Variants in CFAP61 observed in about 807,000 individuals in gnomAD.
CFAP61 encodes cilia- and flagella-associated protein 61.
In CFAP61, 107 loss-of-function variants were observed where a neutral mutation model predicts 135.6. The ratio of observed to expected loss-of-function variants is 0.79; its 90% CI spans 0.67 to 0.93. The LOEUF (loss-of-function observed/expected upper bound fraction) is 0.93. Ranked by LOEUF, CFAP61 falls within the 40% of genes least tolerant of loss-of-function variation. The probability of loss-of-function intolerance (pLI) is 0.00; values close to 1 mark genes in which losing one functional copy is unlikely to be tolerated. For synonymous variants in CFAP61, 575 were observed against 578.5 expected (o/e 0.99, Z 0.09); for missense variants, 1,507 against 1,556.2 (o/e 0.97, Z 0.53).
intron 8 of CFAP61, among the ~76,000 whole-genome samples, chr20:20,119,470 A>T (rs1215018401): frequency 6.6e-6 from 1 of 151,872 alleles, no homozygotes; most frequent in East Asian, 1.9e-4. Flanking sequence ...ATTTCCTTGT[A>T]TGTTTCTGAT....
chr20:20,152,206 C>T (rs1245746016), intron 9 of CFAP61, among the ~76,000 whole-genome samples: 1 of 151,872 alleles, frequency 6.6e-6, no homozygotes, highest in East Asian at 1.9e-4. Flanking sequence ...ACAAGAAATA[C>T]TAAAAAAAGT....
chr20:20,089,971 G>A (rs1341582416), intron 6 of CFAP61, among the ~76,000 whole-genome samples: 2 of 152,208 alleles, frequency 1.3e-5, no homozygotes, highest in Non-Finnish European at 2.9e-5. Context: ...TTACTGTAGT[G>A]CTTCTCAGAG....
intron 21 of CFAP61, among the ~76,000 whole-genome samples, chr20:20,271,601 G>T (rs1215551118): frequency 1.3e-5 from 2 of 152,088 alleles, no homozygotes; most frequent in Non-Finnish European, 2.9e-5. Context: ...GCCTTTTTAC[G>T]GGTGCTCTGC....
chr20:20,182,296 G>T (rs1275033047), intron 13 of CFAP61, among the ~76,000 whole-genome samples: 1 of 152,128 alleles, frequency 6.6e-6, no homozygotes, highest in Non-Finnish European at 1.5e-5. Context: ...TTTAATTAGT[G>T]TTTTTTGTTG....
At chr20:20,094,492 A>C (rs908749937) in intron 7 of CFAP61, 6 of 152,118 alleles carry the variant, frequency 3.9e-5, no homozygotes, top group African/African-American at 1.4e-4. Context: ...TACTAGTTTT[A>C]CTCTGAATCA....
At position 20,201,435 on chromosome 20, in the gene CFAP61, C is replaced by A. The variant is rs183471516; in HGVS notation, c.1932+1533C>A. ...TTTGAAGCAAACTCCAGATTCATAT[C>A]ATTTTATCTGAAGGTCACAGGCATA... On this transcript the variant is annotated intron_variant, in intron 17 of 26. Transcript: ENST00000245957. Among the ~76,000 whole-genome samples the A allele has an allele frequency of 9.2e-5, 14 of 152,338 alleles. No individual in the cohort carries two copies. The East Asian group carries it at 2.7e-3, about 29-fold the overall frequency.
intron 25 of CFAP61, among the ~76,000 whole-genome samples, chr20:20,324,615 T>G (rs1274458222): frequency 2.0e-5 from 3 of 152,332 alleles, no homozygotes; most frequent in Non-Finnish European, 4.4e-5. Flanking sequence ...TCTGGATCAG[T>G]GGGTATATAC....
At chr20:20,125,684 C>A (rs2050015172) in intron 8 of CFAP61, among the ~76,000 whole-genome samples, 1 of 151,506 alleles carries the variant, frequency 6.6e-6, no homozygotes, top group Non-Finnish European at 1.5e-5. Flanking sequence ...ATAGAATGTG[C>A]ATTCTGTAGT....
intron 21 of CFAP61, among the ~76,000 whole-genome samples, chr20:20,275,239 G>C (rs1030572378): frequency 2.0e-5 from 3 of 152,314 alleles, no homozygotes; most frequent in East Asian, 1.9e-4. Context: ...CAGATCAGCT[G>C]ACATCAGTCC....
chr20:20,251,570 A>C, intron 19 of CFAP61, 25 bp from the exon 20 acceptor site: 1 of 1,611,626 alleles, frequency 6.2e-7, no homozygotes, highest in Non-Finnish European at 8.5e-7. Context: ...CTCAGATGTC[A>C]CTTACGGAGC....
intron 20 of CFAP61, among the ~76,000 whole-genome samples, chr20:20,257,438 A>C (rs1050573140): frequency 6.6e-6 from 1 of 152,094 alleles, no homozygotes; most frequent in Non-Finnish European, 1.5e-5. Flanking sequence ...AACATGGTGA[A>C]ACCCCATCTC....
intron 26 of CFAP61, among the ~76,000 whole-genome samples, chr20:20,347,794 A>T (rs1472250240): frequency 6.6e-6 from 1 of 152,024 alleles, no homozygotes; most frequent in East Asian, 1.9e-4. Context: ...TTAGCCCGTC[A>T]TGGTGGCACA....
intron 25 of CFAP61, among the ~76,000 whole-genome samples, chr20:20,314,625 G>C (rs62200186): frequency 0.51 from 70,813 of 137,988 alleles, 19,046 homozygotes; most frequent in African/African-American, 0.68. Flanking sequence ...CATGCTGGTG[G>C]GCTGCACCCA....
chr20:20,358,577 A>T (rs1206689515), intron 26 of CFAP61, among the ~76,000 whole-genome samples: 1 of 152,190 alleles, frequency 6.6e-6, no homozygotes, highest in African/African-American at 2.4e-5. Context: ...TACTGGTGGC[A>T]CCCAAAGTTT....
chr20:20,183,461 C>T (rs1217781543), intron 13 of CFAP61, among the ~76,000 whole-genome samples: 2 of 152,206 alleles, frequency 1.3e-5, no homozygotes, highest in East Asian at 3.8e-4. Context: ...CTCACCCAGC[C>T]AGCCTACATT....
intron 20 of CFAP61, among the ~76,000 whole-genome samples, chr20:20,256,400 C>CCACACACACACACACACACA (rs35783358): frequency 6.7e-6 from 1 of 148,674 alleles, no homozygotes; most frequent in Non-Finnish European, 1.5e-5. Context: ...AAAATTTAGG[C>CCACACACACACACACACACA]CACACACACA....
chr20:20,278,875 C>G (rs1311812178), intron 22 of CFAP61, among the ~76,000 whole-genome samples: 1 of 152,166 alleles, frequency 6.6e-6, no homozygotes, highest in Non-Finnish European at 1.5e-5. Flanking sequence ...TTATTGAACA[C>G]CTGCTAGGTC....
At chr20:20,356,451 G>GTGAGGGGAGGTGGTCACAC (rs1295588785) in intron 26 of CFAP61, among the ~76,000 whole-genome samples, 1 of 151,172 alleles carries the variant, frequency 6.6e-6, no homozygotes, top group Non-Finnish European at 1.5e-5. Context: ...TGGTCACAGT[G>GTGAGGGGAGGTGGTCACAC]TGAGGGGAGG....
chr20:20,230,831 C>T (rs996696318), intron 18 of CFAP61, among the ~76,000 whole-genome samples: 5 of 152,146 alleles, frequency 3.3e-5, no homozygotes, highest in Admixed American at 6.5e-5. Context: ...GCTAGGATTA[C>T]GGGCAGGGGC....
Sources: allele counts gnomAD v4.1 joint callset (sites outside exome capture counted in the v4.1 genomes callset), GRCh38; gene constraint gnomAD v4.1.1; transcripts MANE v1.5; gene names NCBI Gene and HGNC (gene_info 2026-07-23, HGNC 2026-07-21).